Variants in LSMEM1 observed in about 807,000 individuals in gnomAD.
LSMEM1 encodes leucine-rich single-pass membrane protein 1.
LSMEM1 carries 10 observed loss-of-function variants against 11.3 expected under a neutral mutation model. That is an observed-to-expected ratio of 0.89 (90% CI 0.55 to 1.50). The LOEUF (loss-of-function observed/expected upper bound fraction) is 1.50, where lower values mean the gene tolerates loss of function less well. LSMEM1 is among the 40% of genes most tolerant of loss of function. The pLI is 0.00. For missense variants in LSMEM1, 151 were observed against 152.9 expected, an observed-to-expected ratio of 0.99 and a Z score of 0.06; for synonymous variants, 65 against 59.3, an observed-to-expected ratio of 1.10 and a Z score of -0.44.
intron 3 of LSMEM1, among the ~76,000 whole-genome samples, 199 bp from the exon 4 acceptor site, chr7:112,489,611 T>C (rs1341900246): frequency 6.6e-6 from 1 of 152,130 alleles, no homozygotes; most frequent in Non-Finnish European, 1.5e-5. Context: ...CACCAAGAGA[T>C]TGTAAAAACA....
rs1298478372 is a variant in LSMEM1 at position 112,481,130 on chromosome 7, AC to A, written c.-221del. The A allele has an allele frequency of 1.6e-5, 5 of 318,314 alleles. No individual in the cohort carries two copies. The East Asian group carries it at 4.4e-4, about 28-fold the overall frequency. 19.7% of individuals were successfully genotyped at this position (318,314 alleles called of 1,614,324 possible). On this transcript the variant is annotated 5_prime_UTR_variant, in exon 1 of 4. The change abolishes the stop of an existing upstream ORF in the 5' untranslated region. Transcript: ENST00000312849. ...GAAAAAAGTCAGGATTTGGAATCTTACACTGCTTGGCTAAATTGACACAATA... is the reference window on the plus strand; with the variant it reads ...GAAAAAAGTCAGGATTTGGAATCTTAACTGCTTGGCTAAATTGACACAATA...
chr7:112,483,274 C>T (rs1300508674), intron 1 of LSMEM1: 3 of 152,018 alleles, frequency 2.0e-5, no homozygotes, highest in Non-Finnish European at 2.9e-5. Context: ...CCATATTTAT[C>T]GCATTGACTT....
At position 112,490,636 on chromosome 7, in the gene LSMEM1, C is replaced by T. The variant is rs1407945613; in HGVS notation, c.*687C>T. Reference sequence around the variant, plus strand: ...CTCAAGAGGAGCTCACATAAGAGTGCAGGATAAAGAAAGGAGATGGACAGT... The same window carrying T: ...CTCAAGAGGAGCTCACATAAGAGTGTAGGATAAAGAAAGGAGATGGACAGT... On this transcript the variant is annotated 3_prime_UTR_variant, in exon 4 of 4. Transcript: ENST00000312849. 6.6e-6 allele frequency: 1 copy of T among 152,132 alleles called. No individual in the cohort carries two copies. Among genetic ancestry groups the T allele is most frequent in the African/African-American group, 2.4e-5 (1 of 41,414 alleles). The allele number at this position is 152,132 out of a possible 1,614,324, so 9.4% of individuals were successfully genotyped here. A position where few individuals can be genotyped will look rare whatever the true frequency, so the allele number is the denominator to read the frequency against.
chr7:112,483,801 C>T (rs995313055), intron 1 of LSMEM1, among the ~76,000 whole-genome samples: 2 of 152,126 alleles, frequency 1.3e-5, no homozygotes, highest in African/African-American at 2.4e-5. Flanking sequence ...TCCTCATTTG[C>T]GGAAAGGATG....
At chr7:112,483,838 T>C (rs1796079736) in intron 1 of LSMEM1, among the ~76,000 whole-genome samples, 1 of 152,184 alleles carries the variant, frequency 6.6e-6, no homozygotes, top group Admixed American at 6.5e-5. Flanking sequence ...TAACACCCTT[T>C]CTAGATCCAA....
rs1342450869 is a variant in LSMEM1, at chr7:112,489,994, A to G, written c.*45A>G. The G allele has an allele frequency of 6.3e-7, 1 of 1,587,748 alleles. No individual in the cohort carries two copies. The highest frequency in any genetic ancestry group is 8.6e-7 in the Non-Finnish European group (1 of 1,169,130). On this transcript the variant is annotated 3_prime_UTR_variant, in exon 4 of 4. Coordinates refer to ENST00000312849, the MANE Select transcript of LSMEM1 (RefSeq NM_182597.3). ...CACCTGCTAACACCTTGAGCTTTTT[A>G]CTTTCCTGGGAGTGTACAGGGTTAG...
intron 3 of LSMEM1, among the ~76,000 whole-genome samples, chr7:112,488,032 A>G (rs1042363535): frequency 1.3e-5 from 2 of 152,150 alleles, no homozygotes; most frequent in African/African-American, 2.4e-5. Context: ...AGAGTTCATG[A>G]TGACCCTTTC....
At chr7:112,487,443 C>A (rs529163974) in intron 3 of LSMEM1, among the ~76,000 whole-genome samples, 78 of 152,334 alleles carry the variant, frequency 5.1e-4, no homozygotes, top group African/African-American at 1.8e-3. Flanking sequence ...GAACTGAACT[C>A]GCTCCCAGGT....
rs750710587 is a variant in LSMEM1, at chr7:112,486,903, TTTTG to T, written c.128-12_128-9del. On this transcript the variant is annotated splice_polypyrimidine_tract_variant and intron_variant, in intron 2 of 3. Transcript: ENST00000312849. ...ATGCTGAGCAGTTTTTGTCCTTGTT[TTTTG>T]TTTGTTTCATATTAGCTCTAGAGGA... The T allele has an allele frequency of 3.1e-6, 5 of 1,613,628 alleles. No homozygotes were observed. In the Admixed American group the frequency reaches 6.7e-5, roughly 22 times the overall value.
chr7:112,484,980 G>A lies in LSMEM1; in HGVS notation c.127+37G>A, dbSNP rs544719581. ...GGGGAAGGCACAGCAGCCCTTCCTA[G>A]CTTCTAGGCTACCTAAAAATAGCCA... On this transcript the variant is annotated intron_variant, in intron 2 of 3. Transcript: ENST00000312849. The A allele has an allele frequency of 4.4e-6, 7 of 1,574,470 alleles. No homozygotes were observed. The South Asian group carries it at 6.9e-5, about 16-fold the overall frequency.
At chr7:112,483,134 T>C (rs1796061499) in intron 1 of LSMEM1, among the ~76,000 whole-genome samples, 1 of 149,774 alleles carries the variant, frequency 6.7e-6, no homozygotes, top group Non-Finnish European at 1.5e-5. Flanking sequence ...TTTAGGTGTA[T>C]ACTTTTTTTT....
At chr7:112,489,558 T>A (rs6948358) in intron 3 of LSMEM1, among the ~76,000 whole-genome samples, 7,210 of 152,282 alleles carry the variant, frequency 0.047, 515 homozygotes, top group African/African-American at 0.16. Context: ...AGGTCTTTTT[T>A]AGCCATAATT....
chr7:112,490,164 GCC>G lies in LSMEM1; in HGVS notation c.*219_*220del, dbSNP rs1796211055. ...ACTAAAAAGGGGTGAACTTGTCTCA[GCC>G]CCCTTTTATGGTAGGGCACTTCAAC... is the stretch of plus-strand genomic sequence containing the variant. On this transcript the variant is annotated 3_prime_UTR_variant, in exon 4 of 4. Coordinates refer to ENST00000312849, the MANE Select transcript of LSMEM1 (RefSeq NM_182597.3). The G allele has an allele frequency of 2.2e-6, 1 of 463,650 alleles. No homozygotes were observed. Among genetic ancestry groups the G allele is most frequent in the African/African-American group, 2.0e-5 (1 of 50,678 alleles). The allele number at this position is 463,650 out of a possible 1,614,324, so 28.7% of individuals were successfully genotyped here. A position where few individuals can be genotyped will look rare whatever the true frequency, so the allele number is the denominator to read the frequency against.
At chr7:112,485,078 T>C in intron 2 of LSMEM1, 135 bp downstream of exon 2, 1 of 1,091,162 alleles carries the variant, frequency 9.2e-7, no homozygotes, top group Non-Finnish European at 1.3e-6. Flanking sequence ...GAAATGTTAT[T>C]TGTTGTTGGG....
At chr7:112,487,479 C>T (rs1796155691) in intron 3 of LSMEM1, among the ~76,000 whole-genome samples, 1 of 152,240 alleles carries the variant, frequency 6.6e-6, no homozygotes, top group Non-Finnish European at 1.5e-5. Context: ...TCATCCTAGA[C>T]ATCAATGAGA....
At chr7:112,485,232 C>T (rs560135707) in intron 2 of LSMEM1, among the ~76,000 whole-genome samples, 4 of 152,274 alleles carry the variant, frequency 2.6e-5, no homozygotes, top group South Asian at 4.1e-4. Flanking sequence ...CAGAGCTGGA[C>T]TCCTGGAGGC....
intron 2 of LSMEM1, 47 bp from the exon 3 acceptor site, chr7:112,486,876 G>C: frequency 1.9e-6 from 3 of 1,611,848 alleles, no homozygotes; most frequent in Non-Finnish European, 2.5e-6. Flanking sequence ...CTGACAAGTT[G>C]TATGCTGAGC....
chr7:112,483,725 C>T (rs948393767), intron 1 of LSMEM1: 1 of 152,132 alleles, frequency 6.6e-6, no homozygotes, highest in Non-Finnish European at 1.5e-5. Context: ...GAACAAAAGG[C>T]CCGATTCCAG....
Position 112,490,649 on chromosome 7 carries a change from G to A in LSMEM1, c.*700G>A, listed in dbSNP as rs1167248777. ...CACATAAGAGTGCAGGATAAAGAAA[G>A]GAGATGGACAGTTATATGTAATTAT... is the stretch of plus-strand genomic sequence containing the variant. On this transcript the variant is annotated 3_prime_UTR_variant, in exon 4 of 4. Coordinates refer to ENST00000312849, the MANE Select transcript of LSMEM1 (RefSeq NM_182597.3). 2 of 152,190 alleles carry A rather than the reference G, an allele frequency of 1.3e-5. No individual in the cohort carries two copies. Among genetic ancestry groups the A allele is most frequent in the Non-Finnish European group, 2.9e-5 (2 of 68,042 alleles). 9.4% of individuals were successfully genotyped at this position (152,190 alleles called of 1,614,324 possible). A position where few individuals can be genotyped will look rare whatever the true frequency, so the allele number is the denominator to read the frequency against.
Sources: gnomAD v4.1 joint callset for allele counts (sites outside exome capture counted in the v4.1 genomes callset) on GRCh38, gnomAD v4.1.1 for gene constraint, MANE v1.5 for transcripts, NCBI Gene and HGNC (gene_info 2026-07-23, HGNC 2026-07-21) for gene names.